NLGN1: variants seen among roughly 807,000 people sequenced by gnomAD.
NLGN1 encodes the protein neuroligin-1.
In NLGN1, 12 loss-of-function variants were observed where a neutral mutation model predicts 65.5. That is an observed-to-expected ratio of 0.18 (90% CI 0.12 to 0.30). The LOEUF (loss-of-function observed/expected upper bound fraction) is 0.30. Among genes scored for constraint, NLGN1 ranks in the 10% least tolerant of loss-of-function variants. NLGN1 has a pLI of 1.00. For missense variants in NLGN1, 750 were observed against 1,007.1 expected (o/e 0.74, Z 3.46); for synonymous variants, 350 against 359.5 (o/e 0.97, Z 0.30).
In NLGN1 at chr3:174,000,850, G is replaced by C. The variant is rs182547732; in HGVS notation, c.646+193018G>C. Among the ~76,000 whole-genome samples, 20 of 152,284 alleles carry C rather than the reference G, an allele frequency of 1.3e-4. No individual in the cohort carries two copies. The East Asian group carries it at 3.9e-3, about 30-fold the overall frequency. On this transcript the variant is annotated intron_variant, in intron 4 of 6. Transcript: ENST00000457714. ...CATGTCCATATCCAGACATGTGTCA[G>C]ATTAGCAGTGGGCCAGAATTAAATT...
At chr3:174,058,038 A>G (rs1374069516) in intron 4 of NLGN1, among the ~76,000 whole-genome samples, 1 of 152,118 alleles carries the variant, frequency 6.6e-6, no homozygotes, top group African/African-American at 2.4e-5. Context: ...ATTTATTTGC[A>G]TTATCAGTGA....
At chr3:174,197,331 A>T (rs1733603449) in intron 4 of NLGN1, among the ~76,000 whole-genome samples, 1 of 152,038 alleles carries the variant, frequency 6.6e-6, no homozygotes, top group Non-Finnish European at 1.5e-5. Flanking sequence ...AAGCTTAAAA[A>T]CTAACAGGAA....
chr3:174,087,658 A>G (rs1288209687), intron 4 of NLGN1, among the ~76,000 whole-genome samples: 1 of 152,178 alleles, frequency 6.6e-6, no homozygotes, highest in African/African-American at 2.4e-5. Flanking sequence ...TTTAGATATA[A>G]TGTAAAGTTC....
chr3:174,251,409 A>T (rs756574840), intron 4 of NLGN1, among the ~76,000 whole-genome samples: 1 of 152,156 alleles, frequency 6.6e-6, no homozygotes, highest in Non-Finnish European at 1.5e-5. Flanking sequence ...ACTTTGTGCA[A>T]ATTAGAAAAA....
intron 2 of NLGN1, among the ~76,000 whole-genome samples, chr3:173,537,549 C>T (rs1160056020): frequency 1.3e-5 from 2 of 151,780 alleles, no homozygotes; most frequent in East Asian, 1.9e-4. Flanking sequence ...TAAAGAAGAA[C>T]TACTCATAAC....
chr3:174,256,114 A>G (rs1487109396), intron 4 of NLGN1, among the ~76,000 whole-genome samples: 2 of 152,254 alleles, frequency 1.3e-5, no homozygotes, highest in Non-Finnish European at 2.9e-5. Flanking sequence ...AGAGTATAGT[A>G]ATAGAAGTCC....
At chr3:174,059,408 G>C (rs1736896860) in intron 4 of NLGN1, among the ~76,000 whole-genome samples, 1 of 152,102 alleles carries the variant, frequency 6.6e-6, no homozygotes, top group African/African-American at 2.4e-5. Context: ...GTTTAAAAGT[G>C]AAACTGCTAT....
At chr3:173,626,473 T>C (rs1181357286) in intron 3 of NLGN1, among the ~76,000 whole-genome samples, 1 of 152,096 alleles carries the variant, frequency 6.6e-6, no homozygotes, top group Non-Finnish European at 1.5e-5. Flanking sequence ...AAATTTATTT[T>C]AACTACTTTG....
In NLGN1 at chr3:173,497,404, A is replaced by G. The variant is rs978896542; in HGVS notation, c.-321+62326A>G. Among the ~76,000 whole-genome samples, 8 of 151,214 alleles carry G rather than the reference A, an allele frequency of 5.3e-5. 1 individual carries two copies. The highest frequency in any genetic ancestry group is 2.0e-4 in the African/African-American group (8 of 41,022). On this transcript the variant is annotated intron_variant, in intron 2 of 6. Coordinates refer to ENST00000457714, the Ensembl canonical transcript of NLGN1. ...ACTCCATCTCAAAATAAATAAATAA[A>G]TAAATAAATAAATAAATTCTTATTT...
intron 4 of NLGN1, among the ~76,000 whole-genome samples, chr3:174,130,472 G>C (rs908781414): frequency 6.6e-6 from 1 of 152,228 alleles, no homozygotes; most frequent in East Asian, 1.9e-4. Flanking sequence ...TTCCTTGCCT[G>C]ACAGCTCTAA....
chr3:173,675,893 A>T (rs375051077), intron 3 of NLGN1, among the ~76,000 whole-genome samples: 3,958 of 108,808 alleles, frequency 0.036, 47 homozygotes, highest in African/African-American at 0.053. Flanking sequence ...TCTCTCACAC[A>T]CACACACACA....
intron 2 of NLGN1, among the ~76,000 whole-genome samples, chr3:173,545,905 G>A (rs1739724242): frequency 6.6e-6 from 1 of 151,968 alleles, no homozygotes; most frequent in Non-Finnish European, 1.5e-5. Context: ...GAGAACACAT[G>A]GACACAGGGA....
chr3:173,654,301 A>T (rs1005065198), intron 3 of NLGN1, among the ~76,000 whole-genome samples: 1 of 152,164 alleles, frequency 6.6e-6, no homozygotes, highest in Non-Finnish European at 1.5e-5. Flanking sequence ...CAGTCTATTT[A>T]AATAAGCATT....
intron 3 of NLGN1, among the ~76,000 whole-genome samples, chr3:173,683,557 T>A (rs1219972731): frequency 6.6e-6 from 1 of 152,226 alleles, no homozygotes; most frequent in Non-Finnish European, 1.5e-5. Flanking sequence ...ATGGTTTTTT[T>A]ACCCTCTTTC....
At chr3:173,908,030 T>C (rs1299089885) in intron 4 of NLGN1, among the ~76,000 whole-genome samples, 1 of 152,238 alleles carries the variant, frequency 6.6e-6, no homozygotes, top group African/African-American at 2.4e-5. Context: ...GATTGCTTTA[T>C]CTCTTTTACC....
chr3:173,760,897 T>C (rs181083294), intron 3 of NLGN1, among the ~76,000 whole-genome samples: 5 of 152,176 alleles, frequency 3.3e-5, no homozygotes, highest in Non-Finnish European at 7.4e-5. Context: ...AATATGTTAG[T>C]ATCACAAAAA....
chr3:173,489,148 A>G (rs1728660315), intron 2 of NLGN1, among the ~76,000 whole-genome samples: 2 of 151,462 alleles, frequency 1.3e-5, no homozygotes, highest in Non-Finnish European at 2.9e-5. Flanking sequence ...GGTTTGTTAC[A>G]TATGTATACA....
chr3:173,449,632 C>G (rs1393161042), intron 2 of NLGN1, among the ~76,000 whole-genome samples: 1 of 152,104 alleles, frequency 6.6e-6, no homozygotes, highest in African/African-American at 2.4e-5. Flanking sequence ...AACTTTCTGT[C>G]TCGTTGATCT....
chr3:174,101,035 G>A (rs114923859), intron 4 of NLGN1, among the ~76,000 whole-genome samples: 1,858 of 152,182 alleles, frequency 0.012, 21 homozygotes, highest in Non-Finnish European at 0.018. Context: ...CAAAACCCAT[G>A]TCTGCCTTCT....
Sources: allele counts gnomAD v4.1 joint callset (sites outside exome capture counted in the v4.1 genomes callset), GRCh38; gene constraint gnomAD v4.1.1; transcripts MANE v1.5; gene names NCBI Gene and HGNC (gene_info 2026-07-23, HGNC 2026-07-21).